SFXN1: variants seen among roughly 807,000 people sequenced by gnomAD.
The protein encoded by SFXN1 is sideroflexin 1.
Under a neutral mutation model 39.5 loss-of-function variants are expected in SFXN1, and 32 were observed. The observed-to-expected ratio is 0.81, with a 90% confidence interval of 0.61 to 1.09. The LOEUF (loss-of-function observed/expected upper bound fraction) is 1.09. Among genes scored for constraint, SFXN1 ranks in the 50% least tolerant of loss-of-function variants. The pLI is 0.00. For missense variants in SFXN1, 402 were observed against 407.1 expected (o/e 0.99, Z 0.11); for synonymous variants, 136 against 146.5 (o/e 0.93, Z 0.52).
At chr5:175,479,761 T>C (rs1201082510) in intron 1 of SFXN1, among the ~76,000 whole-genome samples, 2 of 152,190 alleles carry the variant, frequency 1.3e-5, no homozygotes, top group East Asian at 1.9e-4. Flanking sequence ...AGCTGCTCCG[T>C]AGGCAACTCT....
intron 2 of SFXN1, among the ~76,000 whole-genome samples, chr5:175,493,395 C>T (rs960866669): frequency 2.6e-5 from 4 of 152,214 alleles, no homozygotes; most frequent in South Asian, 4.1e-4. Flanking sequence ...TGTGCCTAAA[C>T]ATGCCCAGAA....
chr5:175,516,696 C>G (rs762949815), intron 8 of SFXN1, 33 bp downstream of exon 8: 3 of 1,601,600 alleles, frequency 1.9e-6, no homozygotes, highest in South Asian at 1.1e-5. Flanking sequence ...TTTTCTCAAC[C>G]CTTTTTATTT....
At chr5:175,517,888 G>C (rs1480323866) in intron 8 of SFXN1, among the ~76,000 whole-genome samples, 1 of 152,090 alleles carries the variant, frequency 6.6e-6, no homozygotes, top group Non-Finnish European at 1.5e-5. Flanking sequence ...CCAGGGCCAG[G>C]TGTGCCTCCT....
At chr5:175,516,196 G>A (rs569251436) in intron 7 of SFXN1, among the ~76,000 whole-genome samples, 9 of 152,170 alleles carry the variant, frequency 5.9e-5, no homozygotes, top group Non-Finnish European at 1.3e-4. Context: ...CCATGGCCCA[G>A]GGGTTGGGGC....
intron 6 of SFXN1, 145 bp downstream of exon 6, chr5:175,512,341 C>A: frequency 1.3e-6 from 1 of 754,616 alleles, no homozygotes; most frequent in Non-Finnish European, 2.1e-6. Context: ...TTGAAATACT[C>A]TGGGGTTGGG....
rs1581252449 is a variant in SFXN1 at position 175,478,965 on chromosome 5, C to A, written c.-10+326C>A. Among the ~76,000 whole-genome samples the A allele has an allele frequency of 3.9e-5, 6 of 152,064 alleles. No homozygotes were observed. The South Asian group carries it at 1.2e-3, about 31-fold the overall frequency. ...GCGCCTGGCCGCGCTGTCTTCGGCG[C>A]CTGCGTGGCGAACTCGCTCCGGGGA... is the stretch of plus-strand genomic sequence containing the variant. On this transcript the variant is annotated intron_variant, in intron 1 of 10. Transcript: ENST00000321442.
At chr5:175,495,416 A>T (rs546526508) in intron 2 of SFXN1, among the ~76,000 whole-genome samples, 1 of 152,312 alleles carries the variant, frequency 6.6e-6, no homozygotes. Flanking sequence ...ACTTAATGCC[A>T]CAGAATTGTA....
intron 1 of SFXN1, among the ~76,000 whole-genome samples, chr5:175,486,402 G>T (rs918415222): frequency 6.6e-6 from 1 of 152,166 alleles, no homozygotes; most frequent in African/African-American, 2.4e-5. Flanking sequence ...CATAATAAGC[G>T]CATTGGATAA....
chr5:175,490,563 G>A (rs1283149865), intron 1 of SFXN1, among the ~76,000 whole-genome samples: 1 of 152,200 alleles, frequency 6.6e-6, no homozygotes, highest in African/African-American at 2.4e-5. Flanking sequence ...AAGGAAAAGT[G>A]ACCTGAAAGG....
At chr5:175,512,333 G>T in intron 6 of SFXN1, 137 bp downstream of exon 6, 1 of 779,874 alleles carries the variant, frequency 1.3e-6, no homozygotes, top group Non-Finnish European at 2.0e-6. Context: ...GATTTCTTTT[G>T]AAATACTCTG....
intron 7 of SFXN1, among the ~76,000 whole-genome samples, chr5:175,514,632 C>G (rs969928259): frequency 6.6e-6 from 1 of 152,156 alleles, no homozygotes; most frequent in Non-Finnish European, 1.5e-5. Flanking sequence ...TACTGTTTTG[C>G]GGTTTTTAAA....
chr5:175,511,738 C>G (rs1760522846), intron 5 of SFXN1, among the ~76,000 whole-genome samples: 1 of 127,106 alleles, frequency 7.9e-6, no homozygotes, highest in South Asian at 2.2e-4. Flanking sequence ...CTGTGCCTGA[C>G]TCTGTGTACG....
In SFXN1 at chr5:175,513,557, G is replaced by A. The variant is rs753416789; in HGVS notation, c.691G>A (p.Val231Met). ...GAAACAAGCCATCACGCAAGTTGTC[G>A]TGTCCAGGATTCTCATGGCAGCCCC... The part of the protein sequence containing the change: ...AAKQAITQVV[V>M]SRILMAAPGM... Residue 231 changes from valine (V) to methionine (M), a missense_variant, in exon 7 of 11, where the codon GTG becomes ATG. By Grantham distance (21) the Val-to-Met change is conservative. Transcript: ENST00000321442. The A allele has an allele frequency of 2.5e-5, 40 of 1,613,752 alleles. No individual in the cohort carries two copies. The highest frequency in any genetic ancestry group is 1.1e-4 in the South Asian group (10 of 91,074).
At chr5:175,495,233 A>G (rs1392362274) in intron 2 of SFXN1, among the ~76,000 whole-genome samples, 1 of 152,210 alleles carries the variant, frequency 6.6e-6, no homozygotes, top group Non-Finnish European at 1.5e-5. Context: ...TTTCATTTAT[A>G]TGAGGTACCT....
intron 2 of SFXN1, among the ~76,000 whole-genome samples, chr5:175,507,679 A>G (rs1274342572): frequency 6.6e-6 from 1 of 152,154 alleles, no homozygotes; most frequent in Non-Finnish European, 1.5e-5. Flanking sequence ...TTTTTCATCA[A>G]GAGTCTTCTG....
chr5:175,483,480 A>G (rs1229569555), intron 1 of SFXN1: 1 of 152,238 alleles, frequency 6.6e-6, no homozygotes, highest in Non-Finnish European at 1.5e-5. Flanking sequence ...AGGAAGCCAC[A>G]TTACAGCTAG....
At chr5:175,524,173 T>TCC (rs1205057311) in intron 10 of SFXN1, 9 of 130,502 alleles carry the variant, frequency 6.9e-5, no homozygotes, top group Admixed American at 3.3e-4. Context: ...TATATATATC[T>TCC]CCAATAAGTT....
chr5:175,520,544 G>C (rs532300286), intron 8 of SFXN1, among the ~76,000 whole-genome samples: 1 of 152,152 alleles, frequency 6.6e-6, no homozygotes, highest in Non-Finnish European at 1.5e-5. Context: ...GAGCCTTTCC[G>C]TCAAAACCCT....
At chr5:175,513,289 G>GTCT (rs1561671429) in intron 6 of SFXN1, among the ~76,000 whole-genome samples, 174 bp from the exon 7 acceptor site, 1 of 107,466 alleles carries the variant, frequency 9.3e-6, no homozygotes, top group African/African-American at 3.9e-5. Flanking sequence ...GCAACAGAGT[G>GTCT]AGACTGTAAA....
Sources: gnomAD v4.1 joint callset for allele counts (sites outside exome capture counted in the v4.1 genomes callset) on GRCh38, gnomAD v4.1.1 for gene constraint, MANE v1.5 for transcripts, NCBI Gene and HGNC (gene_info 2026-07-23, HGNC 2026-07-21) for gene names.